ABI3BP: variants seen among roughly 807,000 people sequenced by gnomAD.
ABI3BP encodes target of Nesh-SH3.
ABI3BP carries 216 observed loss-of-function variants against 268.6 expected under a neutral mutation model. That is an observed-to-expected ratio of 0.80 (90% confidence interval 0.72 to 0.90). ABI3BP has a LOEUF of 0.90. ABI3BP is among the 40% of genes least tolerant of loss of function. The pLI is 0.00. For missense variants in ABI3BP, 2,090 were observed against 2,182.4 expected, an observed-to-expected ratio of 0.96 and a Z score of 0.84; for synonymous variants, 730 against 730.0, an observed-to-expected ratio of 1.00 and a Z score of 0.00.
intron 57 of ABI3BP, among the ~76,000 whole-genome samples, chr3:100,782,046 T>C (rs1301407415): frequency 6.6e-6 from 1 of 152,202 alleles, no homozygotes; most frequent in African/African-American, 2.4e-5. Context: ...CTATTCCTCA[T>C]AGTAACTCTG....
At chr3:100,978,539 A>G (rs1428150481) in intron 1 of ABI3BP, among the ~76,000 whole-genome samples, 2 of 152,182 alleles carry the variant, frequency 1.3e-5, no homozygotes, top group Non-Finnish European at 2.9e-5. Context: ...CCACCAAACA[A>G]GGTTATGTCA....
At chr3:100,841,574 GA>G (rs1580015444) in intron 21 of ABI3BP, among the ~76,000 whole-genome samples, 1 of 151,922 alleles carries the variant, frequency 6.6e-6, no homozygotes, top group Non-Finnish European at 1.5e-5. Context: ...AAAATGGCTG[GA>G]AAAAGATCTG....
chr3:100,922,523 CGATGGTGATGGT>C (rs74793509), intron 2 of ABI3BP, among the ~76,000 whole-genome samples: 18 of 148,704 alleles, frequency 1.2e-4, no homozygotes, highest in South Asian at 4.4e-4. Context: ...TGATGTGATG[CGATGGTGATGGT>C]GATGGTGATG....
At chr3:100,859,939 G>T (rs1024143987) in intron 14 of ABI3BP, among the ~76,000 whole-genome samples, 2 of 152,152 alleles carry the variant, frequency 1.3e-5, no homozygotes, top group African/African-American at 4.8e-5. Context: ...AGGCATGGTG[G>T]CAGGTGCCTG....
At chr3:100,829,504 T>C (rs2098447625) in intron 33 of ABI3BP, 77 bp downstream of exon 33, 8 of 1,350,668 alleles carry the variant, frequency 5.9e-6, no homozygotes, top group African/African-American at 1.4e-5. Context: ...CTGCTGACCA[T>C]GCCCAGCTAC....
At chr3:100,803,897 C>A (rs2097609954) in intron 51 of ABI3BP, among the ~76,000 whole-genome samples, 1 of 152,188 alleles carries the variant, frequency 6.6e-6, no homozygotes. Flanking sequence ...TTTGCTTATA[C>A]AATCTGGAAA....
At chr3:100,949,467 C>T (rs934583715) in intron 1 of ABI3BP, among the ~76,000 whole-genome samples, 1 of 152,044 alleles carries the variant, frequency 6.6e-6, no homozygotes, top group African/African-American at 2.4e-5. Flanking sequence ...AGTTTCGCCA[C>T]GTTGATCAGG....
rs1470546792 is a variant in ABI3BP, at chr3:100,839,565, T to C, written c.1945+4A>G. ...AGCAGCCGTGGTGGAGGGAGTAGAA[T>C]TACCAGTTGTGGGCACCAAGGGCTC... is the stretch of plus-strand genomic sequence containing the variant. On this transcript the variant is annotated splice_donor_region_variant and intron_variant, in intron 24 of 67. Coordinates refer to ENST00000471714, the MANE Select transcript of ABI3BP (RefSeq NM_001375547.2). The C allele has an allele frequency of 6.5e-7, 1 of 1,535,660 alleles. No individual in the cohort carries two copies. The highest frequency in any genetic ancestry group is 1.7e-4 in the Middle Eastern group (1 of 6,008).
At chr3:100,942,136 T>C (rs1410494125) in intron 1 of ABI3BP, among the ~76,000 whole-genome samples, 1 of 152,134 alleles carries the variant, frequency 6.6e-6, no homozygotes, top group Admixed American at 6.6e-5. Context: ...GTAGTAGGCA[T>C]TAGTGACACA....
chr3:100,829,555 T>G (rs1178087160), intron 33 of ABI3BP, 26 bp downstream of exon 33: 65 of 1,525,500 alleles, frequency 4.3e-5, no homozygotes, highest in Non-Finnish European at 5.5e-5. Flanking sequence ...CTGTTAGGAT[T>G]CCTCAAGCAT....
intron 50 of ABI3BP, 106 bp from the exon 51 acceptor site, chr3:100,804,972 G>A (rs137917541): frequency 1.1e-5 from 10 of 883,814 alleles, no homozygotes; most frequent in African/African-American, 5.0e-5. Flanking sequence ...ATAAAACAAA[G>A]CATTAGAGAG....
chr3:100,864,647 G>A lies in ABI3BP; in HGVS notation c.1063+186C>T, dbSNP rs764412211. The A allele has an allele frequency of 2.3e-4, 130 of 560,492 alleles. 1 individual carries two copies. In the Middle Eastern group the frequency reaches 5.4e-3, roughly 23 times the overall value. 34.7% of individuals were successfully genotyped at this position (560,492 alleles called of 1,614,324 possible). A position where few individuals can be genotyped will look rare whatever the true frequency, so the allele number is the denominator to read the frequency against. ...AAGTTCAGTCACCAGGATCAGCCAT[G>A]TGGTTAACTCTTCAGTGGAATCTGT... On this transcript the variant is annotated intron_variant, in intron 11 of 67. Coordinates refer to ENST00000471714, the MANE Select transcript of ABI3BP (RefSeq NM_001375547.2).
chr3:100,935,556 A>G (rs1045539601), intron 1 of ABI3BP, among the ~76,000 whole-genome samples: 1 of 152,076 alleles, frequency 6.6e-6, no homozygotes, highest in African/African-American at 2.4e-5. Flanking sequence ...TAAATCTATA[A>G]ATTACTTTGG....
intron 1 of ABI3BP, among the ~76,000 whole-genome samples, chr3:100,990,742 G>A (rs1311269583): frequency 6.6e-6 from 1 of 152,066 alleles, no homozygotes; most frequent in Non-Finnish European, 1.5e-5. Flanking sequence ...TCATTCCTAA[G>A]GCTGGGGTCA....
intron 2 of ABI3BP, among the ~76,000 whole-genome samples, chr3:100,914,031 G>GA (rs1435152774): frequency 5.9e-5 from 9 of 151,696 alleles, no homozygotes; most frequent in East Asian, 3.9e-4. Context: ...AGGCAGAAAG[G>GA]AAAAAAAATA....
Position 100,765,114 on chromosome 3 carries a change from A to AAC in ABI3BP, c.4850+726_4850+727insGT, listed in dbSNP as rs10661635. On this transcript the variant is annotated intron_variant, in intron 63 of 67. Transcript: ENST00000471714. ...GACAATGTGAACATTATGAAAAAAAAAAAAAACTTGGAACTTCCTTACTAC... is the reference window on the plus strand; with the variant it reads ...GACAATGTGAACATTATGAAAAAAAAACAAAAAACTTGGAACTTCCTTACTAC... Among the ~76,000 whole-genome samples the AAC allele has an allele frequency of 3.3e-5, 5 of 151,890 alleles. No individual in the cohort carries two copies. The East Asian group carries it at 5.8e-4, about 18-fold the overall frequency.
At chr3:100,965,012 G>C (rs1223803429) in intron 1 of ABI3BP, among the ~76,000 whole-genome samples, 1 of 150,954 alleles carries the variant, frequency 6.6e-6, no homozygotes, top group Non-Finnish European at 1.5e-5. Context: ...GTATTAATAA[G>C]GAAACCCAAA....
intron 10 of ABI3BP, among the ~76,000 whole-genome samples, chr3:100,866,149 A>T (rs2099049132): frequency 6.6e-6 from 1 of 152,234 alleles, no homozygotes; most frequent in Admixed American, 6.5e-5. Flanking sequence ...GGACTAAAAA[A>T]TTCACTACAG....
intron 9 of ABI3BP, among the ~76,000 whole-genome samples, chr3:100,867,874 T>C (rs2099070185): frequency 6.6e-6 from 1 of 152,186 alleles, no homozygotes; most frequent in African/African-American, 2.4e-5. Flanking sequence ...TTTTTCCATT[T>C]TTCCTCTTTA....
Sources: gnomAD v4.1 joint callset for allele counts (sites outside exome capture counted in the v4.1 genomes callset) on GRCh38, gnomAD v4.1.1 for gene constraint, MANE v1.5 for transcripts, NCBI Gene and HGNC (gene_info 2026-07-23, HGNC 2026-07-21) for gene names.